Variants in FMN2 observed in about 807,000 individuals in gnomAD.
FMN2 encodes the protein formin-2.
In FMN2, 51 loss-of-function variants were observed where a neutral mutation model predicts 142.3. The observed-to-expected ratio is 0.36, with a 90% CI of 0.29 to 0.45. The LOEUF (loss-of-function observed/expected upper bound fraction) is 0.45. Ranked by LOEUF, FMN2 falls within the 20% of genes least tolerant of loss-of-function variation. The pLI is 1.00. For missense variants in FMN2, 1,936 were observed against 2,122.8 expected, an observed-to-expected ratio of 0.91 and a Z score of 1.73; for synonymous variants, 882 against 869.8, an observed-to-expected ratio of 1.01 and a Z score of -0.25.
chr1:240,162,494 C>G (rs948464412), intron 2 of FMN2, among the ~76,000 whole-genome samples: 2 of 152,040 alleles, frequency 1.3e-5, no homozygotes, highest in Admixed American at 1.3e-4. Context: ...AGTTATGAAA[C>G]GATTCACATT....
intron 2 of FMN2, among the ~76,000 whole-genome samples, chr1:240,138,328 G>A (rs755700410): frequency 1.4e-4 from 21 of 152,016 alleles, no homozygotes; most frequent in Admixed American, 3.3e-4. Flanking sequence ...TGAGGAAACC[G>A]TTGCAGCAAT....
At chr1:240,250,197 TC>T (rs958552774) in intron 6 of FMN2, among the ~76,000 whole-genome samples, 1 of 152,146 alleles carries the variant, frequency 6.6e-6, no homozygotes, top group Non-Finnish European at 1.5e-5. Context: ...TTTCATCTTT[TC>T]CCCATTCAGT....
At chr1:240,333,819 T>G in intron 11 of FMN2, 68 bp from the exon 12 acceptor site, 2 of 1,237,092 alleles carry the variant, frequency 1.6e-6, no homozygotes, top group Non-Finnish European at 2.2e-6. Context: ...CTAGAATCTT[T>G]TTTGGTAACA....
intron 4 of FMN2, among the ~76,000 whole-genome samples, chr1:240,194,344 A>T (rs980615419): frequency 5.3e-5 from 8 of 152,192 alleles, no homozygotes; most frequent in Non-Finnish European, 7.3e-5. Flanking sequence ...GGAACTGTCA[A>T]AGATGAACAA....
At chr1:240,110,121 C>T (rs908118446) in intron 1 of FMN2, among the ~76,000 whole-genome samples, 2 of 152,166 alleles carry the variant, frequency 1.3e-5, no homozygotes, top group African/African-American at 4.8e-5. Flanking sequence ...GCACAGACCG[C>T]ATGGTCTGTT....
chr1:240,123,106 C>A, intron 1 of FMN2, 73 bp from the exon 2 acceptor site: 1 of 1,547,164 alleles, frequency 6.5e-7, no homozygotes, highest in South Asian at 1.2e-5. Flanking sequence ...GTTTACCCAG[C>A]CGCTGTCCCC....
chr1:240,373,882 G>T (rs1481141196), intron 14 of FMN2, among the ~76,000 whole-genome samples: 1 of 152,120 alleles, frequency 6.6e-6, no homozygotes, highest in Non-Finnish European at 1.5e-5. Flanking sequence ...AATTGATTTT[G>T]CTTGGATCCA....
At chr1:240,197,986 A>G (rs914116594) in intron 4 of FMN2, among the ~76,000 whole-genome samples, 2 of 152,106 alleles carry the variant, frequency 1.3e-5, no homozygotes, top group Non-Finnish European at 2.9e-5. Context: ...TTTTTCTTGA[A>G]AAAACAAACA....
chr1:240,425,063 T>C (rs1201649145), intron 15 of FMN2, among the ~76,000 whole-genome samples: 3 of 152,092 alleles, frequency 2.0e-5, no homozygotes, highest in Admixed American at 2.0e-4. Context: ...ATAGAAAATA[T>C]CTTGTGTTTC....
At position 240,208,647 on chromosome 1, in the gene FMN2, G is replaced by A; in HGVS notation, c.3835G>A (p.Asp1279Asn). The A allele has an allele frequency of 1.2e-6, 2 of 1,613,916 alleles. No homozygotes were observed. Among genetic ancestry groups the A allele is most frequent in the South Asian group, 2.2e-5 (2 of 91,080 alleles). The change falls in exon 5 of 18, where the codon GAC (aspartate) becomes AAC (asparagine). Residue 1279 changes from aspartate (D) to asparagine (N), a missense_variant. By Grantham distance (23) the Asp-to-Asn change is conservative (BLOSUM62 1). Around this residue, in one of 8 missense-constraint regions of FMN2, gnomAD observed 259 missense variants for 230.9 expected, o/e 1.12. Coordinates refer to ENST00000319653, the MANE Select transcript of FMN2 (RefSeq NM_020066.5). Reference sequence around the variant, plus strand: ...CTTGTTTGGATTAGGGATGAATCAGGACAAAGGGAGTAGGAAGCAGCCCAT... The same window carrying A: ...CTTGTTTGGATTAGGGATGAATCAGAACAAAGGGAGTAGGAAGCAGCCCAT... ...SGLFGLGMNQ[D>N]KGSRKQPIEP...
chr1:240,386,943 G>A (rs1188538288), intron 14 of FMN2, among the ~76,000 whole-genome samples: 1 of 152,126 alleles, frequency 6.6e-6, no homozygotes, highest in Non-Finnish European at 1.5e-5. Context: ...TTTATTGTAT[G>A]GTTCCAAGTA....
At chr1:240,457,266 T>G (rs1046893592) in intron 16 of FMN2, among the ~76,000 whole-genome samples, 3 of 152,184 alleles carry the variant, frequency 2.0e-5, no homozygotes, top group Non-Finnish European at 2.9e-5. Flanking sequence ...CTGGGAAGCA[T>G]GAGGGGAATG....
intron 16 of FMN2, among the ~76,000 whole-genome samples, chr1:240,444,912 T>G (rs1309720646): frequency 2.0e-5 from 3 of 152,238 alleles, no homozygotes; most frequent in Non-Finnish European, 4.4e-5. Context: ...AATAACGTAC[T>G]TGCTGGATAC....
intron 15 of FMN2, among the ~76,000 whole-genome samples, chr1:240,430,631 C>T (rs1675132346): frequency 6.7e-6 from 1 of 148,460 alleles, no homozygotes; most frequent in African/African-American, 2.5e-5. Flanking sequence ...TTTCTGTCTT[C>T]TACATCTAAA....
rs373780097 is a variant in FMN2 at position 240,213,835 on chromosome 1, C to T, written c.4065+2600C>T. On this transcript the variant is annotated intron_variant, in intron 6 of 17. Coordinates refer to ENST00000319653, the MANE Select transcript of FMN2 (RefSeq NM_020066.5). ...TGTGGTTGAATGCACTGGTGTTTAA[C>T]GAGGTGCCTGTGCTGTTTTTACCGT... Among the ~76,000 whole-genome samples, 8 of 152,318 alleles carry T rather than the reference C, an allele frequency of 5.3e-5. No individual in the cohort carries two copies. The East Asian group carries it at 1.2e-3, about 22-fold the overall frequency.
At chr1:240,385,479 T>A (rs2103087489) in intron 14 of FMN2, among the ~76,000 whole-genome samples, 1 of 152,276 alleles carries the variant, frequency 6.6e-6, no homozygotes, top group Non-Finnish European at 1.5e-5. Context: ...CCAGGAGAGA[T>A]TTGCTTAGCC....
chr1:240,265,789 A>G (rs1370116689), intron 7 of FMN2, among the ~76,000 whole-genome samples: 1 of 151,908 alleles, frequency 6.6e-6, no homozygotes, highest in African/African-American at 2.4e-5. Flanking sequence ...ACACACCTGC[A>G]CCCATATTAA....
At chr1:240,144,629 C>A in intron 2 of FMN2, 2 of 1,290,052 alleles carry the variant, frequency 1.6e-6, no homozygotes. Flanking sequence ...CAGGGCACAA[C>A]GCAGTAGGAC....
In FMN2 at chr1:240,296,725, C is replaced by T. The variant is rs974752904; in HGVS notation, c.4215+1842C>T. On this transcript the variant is annotated intron_variant, in intron 8 of 17. Coordinates refer to ENST00000319653, the MANE Select transcript of FMN2 (RefSeq NM_020066.5). ...GTGGTCTCATCTGTGAGATTGAGAC[C>T]GATGTAAGACAAAATATGTCTCATG... Among the ~76,000 whole-genome samples the T allele has an allele frequency of 3.3e-5, 5 of 151,450 alleles. No homozygotes were observed. In the East Asian group the frequency reaches 5.9e-4, roughly 18 times the overall value.
Sources: allele counts gnomAD v4.1 joint callset (sites outside exome capture counted in the v4.1 genomes callset), GRCh38; gene constraint gnomAD v4.1.1; regional missense constraint gnomAD v4.1.1; transcripts MANE v1.5; gene names NCBI Gene and HGNC (gene_info 2026-07-23, HGNC 2026-07-21).